The following DIP2A variants were observed in gnomAD, a reference collection of about 807,000 sequenced individuals.
The protein encoded by DIP2A is disco-interacting protein 2 homolog A.
A neutral mutation model predicts 177.4 loss-of-function variants in DIP2A; 85 were observed. That is an observed-to-expected ratio of 0.48 (90% CI 0.40 to 0.57). The LOEUF is 0.57. Among genes scored for constraint, DIP2A ranks in the 20% least tolerant of loss-of-function variants. The probability of loss-of-function intolerance (pLI) is 0.00; values close to 1 mark genes in which losing one functional copy is unlikely to be tolerated. For synonymous variants in DIP2A, 886 were observed against 881.8 expected (o/e 1.00, Z -0.08); for missense variants, 1,791 against 2,100.2 (o/e 0.85, Z 2.88).
chr21:46,551,940 C>G (rs1347212510), intron 25 of DIP2A, 36 bp downstream of exon 25: 5 of 1,561,442 alleles, frequency 3.2e-6, no homozygotes, highest in Admixed American at 3.7e-5. Flanking sequence ...CTTGGAAACA[C>G]CTGTGGGCCG....
At chr21:46,539,015 T>C in intron 16 of DIP2A, 1 of 163,848 alleles carries the variant, frequency 6.1e-6, no homozygotes, top group Non-Finnish European at 1.3e-5. Context: ...CTGGTTTGCC[T>C]GGGTGTCCCC....
intron 13 of DIP2A, among the ~76,000 whole-genome samples, chr21:46,535,989 T>C (rs978746978): frequency 6.6e-6 from 1 of 152,030 alleles, no homozygotes; most frequent in African/African-American, 2.4e-5. Flanking sequence ...CCGACCCAAG[T>C]AGGAAAGGGA....
intron 18 of DIP2A, among the ~76,000 whole-genome samples, chr21:46,542,252 A>G (rs1364466623): frequency 6.6e-6 from 1 of 152,234 alleles, no homozygotes; most frequent in African/African-American, 2.4e-5. Flanking sequence ...TATATGGCCT[A>G]TGCAACTCAC....
chr21:46,459,050 G>C lies in DIP2A; in HGVS notation c.-82G>C, dbSNP rs1249823740. 2 of 1,175,746 alleles carry C rather than the reference G, an allele frequency of 1.7e-6. No homozygotes were observed. Among genetic ancestry groups the C allele is most frequent in the Non-Finnish European group, 2.3e-6 (2 of 887,186 alleles). 72.8% of individuals were successfully genotyped at this position (1,175,746 alleles called of 1,614,324 possible). On this transcript the variant is annotated 5_prime_UTR_variant, in exon 1 of 38. Transcript: ENST00000417564. ...CGGATGTAGGTTGTTGGCCTGAGGG[G>C]AGCTACGTAGCCGAGGTTTGCGCTG...
intron 8 of DIP2A, among the ~76,000 whole-genome samples, chr21:46,528,655 C>T (rs909154868): frequency 1.4e-5 from 2 of 148,124 alleles, no homozygotes; most frequent in East Asian, 4.0e-4. Context: ...GCCTCCCGAG[C>T]AGCTGGGATT....
chr21:46,555,073 C>T (rs745490931), intron 28 of DIP2A, 140 bp downstream of exon 28: 38 of 869,952 alleles, frequency 4.4e-5, no homozygotes, highest in South Asian at 3.7e-4. Flanking sequence ...GGGGGTGCCC[C>T]GGGCCCTGGT....
intron 1 of DIP2A, among the ~76,000 whole-genome samples, chr21:46,478,166 A>G (rs529524426): frequency 6.7e-6 from 1 of 150,194 alleles, no homozygotes; most frequent in Non-Finnish European, 1.5e-5. Flanking sequence ...GTATTTCCCT[A>G]TATACTTTGG....
In DIP2A at chr21:46,490,723, G is replaced by A. The variant is rs2056965060; in HGVS notation, c.283+4G>A. On this transcript the variant is annotated splice_donor_region_variant and intron_variant, in intron 3 of 37. Transcript: ENST00000417564. ...AGGGATGAGCGCTTCCGGTCAGGTA[G>A]GGTCACAGCCTAGGCAGTGGGGAAG... 1 of 1,570,550 alleles carries A rather than the reference G, an allele frequency of 6.4e-7. No homozygotes were observed.
chr21:46,528,419 T>C (rs933411692), intron 8 of DIP2A, among the ~76,000 whole-genome samples: 2 of 151,700 alleles, frequency 1.3e-5, no homozygotes, highest in African/African-American at 4.9e-5. Context: ...ATCTCATTTC[T>C]TGAAAATTTT....
chr21:46,495,244 T>TCTCTCTCTCTCTCTCTCTC (rs2057273584), intron 3 of DIP2A, among the ~76,000 whole-genome samples: 7 of 38,208 alleles, frequency 1.8e-4, no homozygotes, highest in African/African-American at 2.3e-4. Flanking sequence ...CTTCTCTTCT[T>TCTCTCTCTCTCTCTCTCTC]TCTCTCTCTC....
Position 46,534,577 on chromosome 21 carries a change from T to A in DIP2A, c.1540-8T>A, listed in dbSNP as rs1278087769. On this transcript the variant is annotated splice_polypyrimidine_tract_variant and splice_region_variant and intron_variant, in intron 12 of 37. Coordinates refer to ENST00000417564, the MANE Select transcript of DIP2A (RefSeq NM_015151.4). ...CCACATCATGTTTTTTTCCTTGAAATCTTTCAGTATAAAACCAGCAAAGAA... is the reference window on the plus strand; with the variant it reads ...CCACATCATGTTTTTTTCCTTGAAAACTTTCAGTATAAAACCAGCAAAGAA... 1 of 1,612,774 alleles carries A rather than the reference T, an allele frequency of 6.2e-7. No homozygotes were observed. The highest frequency in any genetic ancestry group is 1.7e-5 in the Admixed American group (1 of 59,972).
At chr21:46,506,068 C>T (rs1263812096) in intron 6 of DIP2A, among the ~76,000 whole-genome samples, 1 of 151,774 alleles carries the variant, frequency 6.6e-6, no homozygotes, top group Non-Finnish European at 1.5e-5. Flanking sequence ...ACTTTCATTT[C>T]TTTTGGGTCA....
intron 6 of DIP2A, among the ~76,000 whole-genome samples, chr21:46,507,041 T>C: frequency 6.6e-6 from 1 of 152,104 alleles, no homozygotes; most frequent in East Asian, 1.9e-4. Context: ...CCCAAAGTGC[T>C]GGGATTACAG....
intron 1 of DIP2A, among the ~76,000 whole-genome samples, chr21:46,463,644 T>A (rs547735658): frequency 6.6e-6 from 1 of 152,134 alleles, no homozygotes; most frequent in South Asian, 2.1e-4. Context: ...TTTTTTCCTC[T>A]TTAACTGTCT....
chr21:46,528,205 G>T (rs374831679), intron 8 of DIP2A, among the ~76,000 whole-genome samples: 22 of 151,940 alleles, frequency 1.4e-4, no homozygotes, highest in African/African-American at 4.6e-4. Flanking sequence ...TTCTCTTTGG[G>T]GATGGCTGGT....
chr21:46,543,008 C>T (rs985408655), intron 18 of DIP2A, among the ~76,000 whole-genome samples: 4 of 152,240 alleles, frequency 2.6e-5, no homozygotes, highest in African/African-American at 9.6e-5. Flanking sequence ...TGTGTGTGCA[C>T]AGATGCTGGG....
chr21:46,524,594 AAGAATTC>A (rs1403759932), intron 8 of DIP2A, among the ~76,000 whole-genome samples: 2 of 152,212 alleles, frequency 1.3e-5, no homozygotes, highest in Non-Finnish European at 2.9e-5. Flanking sequence ...TTGTGCAAGA[AAGAATTC>A]AGGGCAAGTC....
At chr21:46,560,512 T>C (rs1218079174) in intron 32 of DIP2A, among the ~76,000 whole-genome samples, 4 of 152,220 alleles carry the variant, frequency 2.6e-5, no homozygotes, top group Non-Finnish European at 5.9e-5. Context: ...TTTCGCTCAA[T>C]ATTATCAAGC....
At chr21:46,486,632 G>A (rs1010562258) in intron 2 of DIP2A, among the ~76,000 whole-genome samples, 1 of 152,202 alleles carries the variant, frequency 6.6e-6, no homozygotes, top group African/African-American at 2.4e-5. Context: ...ATGTAAAGAT[G>A]TTTAACCTCA....
Sources: allele counts gnomAD v4.1 joint callset (sites outside exome capture counted in the v4.1 genomes callset), GRCh38; gene constraint gnomAD v4.1.1; transcripts MANE v1.5; gene names NCBI Gene and HGNC (gene_info 2026-07-23, HGNC 2026-07-21).